The following PHLDB2 variants were observed in gnomAD, a reference collection of about 807,000 sequenced individuals.
The protein encoded by PHLDB2 is pleckstrin homology-like domain family B member 2.
Under a neutral mutation model 123.6 loss-of-function variants are expected in PHLDB2, and 71 were observed. The ratio of observed to expected loss-of-function variants is 0.57; its 90% CI spans 0.47 to 0.70. The LOEUF is 0.70. Ranked by LOEUF, PHLDB2 falls within the 30% of genes least tolerant of loss-of-function variation. The pLI is 0.00. For synonymous variants in PHLDB2, 547 were observed against 541.6 expected (o/e 1.01, Z -0.14); for missense variants, 1,446 against 1,519.5 (o/e 0.95, Z 0.80).
At chr3:111,752,219 A>AGTGTGTGTGTGTGTGTGTGTGT (rs57931243) in intron 1 of PHLDB2, among the ~76,000 whole-genome samples, 1 of 146,892 alleles carries the variant, frequency 6.8e-6, no homozygotes, top group Non-Finnish European at 1.5e-5. Context: ...GAAGTTTCTA[A>AGTGTGTGTGTGTGTGTGTGTGT]GTGTGTGTGT....
upstream of PHLDB2, among the ~76,000 whole-genome samples, chr3:111,855,424 T>C (rs534537622): frequency 4.6e-5 from 7 of 150,834 alleles, no homozygotes; most frequent in African/African-American, 1.2e-4. Flanking sequence ...TTCCTTCCTT[T>C]CTTTCTTTCT....
At chr3:111,881,112 CA>C (rs1334111876) in intron 1 of PHLDB2, among the ~76,000 whole-genome samples, 2 of 152,190 alleles carry the variant, frequency 1.3e-5, no homozygotes, top group African/African-American at 4.8e-5. Flanking sequence ...AGTTATCTCA[CA>C]AAAAGTATAA....
In PHLDB2 at chr3:111,887,997, A is replaced by G. The variant is rs1226160198; in HGVS notation, c.1335+2585A>G. ...TGGTGAATGTAAGAGTTAAGTGGCT[A>G]TGGTTATTTATGGTTAATTTAACAA... On this transcript the variant is annotated intron_variant, in intron 2 of 17. Coordinates refer to ENST00000431670, the MANE Select transcript of PHLDB2 (RefSeq NM_001134438.2). Among the ~76,000 whole-genome samples, 5 of 152,124 alleles carry G rather than the reference A, an allele frequency of 3.3e-5. No individual in the cohort carries two copies. In the East Asian group the frequency reaches 5.8e-4, roughly 18 times the overall value.
intron 4 of PHLDB2, 115 bp from the exon 5 acceptor site, chr3:111,920,167 G>C: frequency 8.4e-7 from 1 of 1,195,934 alleles, no homozygotes; most frequent in Non-Finnish European, 1.2e-6. Context: ...ACCCGATCTG[G>C]CTGCTACAGT....
rs747935116 is a variant in PHLDB2, at chr3:111,945,310, C to A, written c.2440C>A (p.Leu814Ile). 14 of 1,610,906 alleles carry A rather than the reference C, an allele frequency of 8.7e-6. No individual in the cohort carries two copies. The highest frequency in any genetic ancestry group is 1.1e-5 in the Non-Finnish European group (13 of 1,177,666). Residue 814 changes from leucine to isoleucine, a missense_variant, in exon 9 of 18, where the codon CTC (leucine) becomes ATC (isoleucine). Physicochemically the swap from Leu to Ile is conservative, Grantham distance 5. Transcript: ENST00000431670. Reference protein sequence around the residue: ...LCNLEKKYSSLSGGKGFPVNP... With the variant: ...LCNLEKKYSSISGGKGFPVNP... ...TAATTTGGAAAAGAAATACTCCAGC[C>A]TCTCTGGGGGGAAAGGGTTTCCCGT... is the stretch of plus-strand genomic sequence containing the variant.
intron 1 of PHLDB2, among the ~76,000 whole-genome samples, chr3:111,746,264 C>T (rs543949845): frequency 6.6e-6 from 1 of 152,272 alleles, no homozygotes; most frequent in South Asian, 2.1e-4. Context: ...TGAGAGAACA[C>T]AGAAAGTCTT....
Position 111,939,553 on chromosome 3 carries a change from G to C in PHLDB2, c.2209G>C (p.Asp737His). The C allele has an allele frequency of 6.2e-7, 1 of 1,614,034 alleles. No individual in the cohort carries two copies. Among genetic ancestry groups the C allele is most frequent in the Non-Finnish European group, 8.5e-7 (1 of 1,179,944 alleles). ...GCAGCTTGAACATGAGAGCCGTCTA[G>C]ATGAAGAAAAGGAGAACTTGACTCA... is the stretch of plus-strand genomic sequence containing the variant. Reference protein sequence around the residue: ...FQQLEHESRLDEEKENLTQQL... With the variant: ...FQQLEHESRLHEEKENLTQQL... The change falls in exon 7 of 18, where the codon GAT becomes CAT. Residue 737 changes from aspartate (D) to histidine (H), a missense_variant. Coordinates refer to ENST00000431670, the MANE Select transcript of PHLDB2 (RefSeq NM_001134438.2).
intron 1 of PHLDB2, among the ~76,000 whole-genome samples, chr3:111,873,085 A>G (rs1160336703): frequency 6.6e-6 from 1 of 152,206 alleles, no homozygotes; most frequent in Non-Finnish European, 1.5e-5. Context: ...TTTCCTCTAC[A>G]GATATGCATG....
At chr3:111,793,073 T>A (rs538453692) in intron 1 of PHLDB2, among the ~76,000 whole-genome samples, 1 of 152,230 alleles carries the variant, frequency 6.6e-6, no homozygotes, top group East Asian at 1.9e-4. Context: ...GGCTCTACAG[T>A]CAGCAGGTGC....
intron 1 of PHLDB2, among the ~76,000 whole-genome samples, chr3:111,780,427 C>T (rs529926596): frequency 7.2e-6 from 1 of 139,606 alleles, no homozygotes; most frequent in South Asian, 2.3e-4. Flanking sequence ...TTAGTTCGGC[C>T]CAACTTTCTG....
At chr3:111,895,392 A>G (rs2066775491) in intron 2 of PHLDB2, among the ~76,000 whole-genome samples, 1 of 152,262 alleles carries the variant, frequency 6.6e-6, no homozygotes. Flanking sequence ...GAGGCCCTGT[A>G]TGCCCCTGTG....
chr3:111,790,998 C>T (rs956566396), intron 1 of PHLDB2, among the ~76,000 whole-genome samples: 1 of 151,950 alleles, frequency 6.6e-6, no homozygotes, highest in African/African-American at 2.4e-5. Context: ...CACTGTGAAC[C>T]TTTTCCATAA....
At chr3:111,818,165 G>GGTGTGT (rs5851789) in intron 1 of PHLDB2, among the ~76,000 whole-genome samples, 51,843 of 147,490 alleles carry the variant, frequency 0.35, 9,565 homozygotes, top group Middle Eastern at 0.46. Flanking sequence ...TTAAAAAACT[G>GGTGTGT]GTGTGTGTGT....
intron 15 of PHLDB2, 48 bp from the exon 16 acceptor site, chr3:111,969,638 AAAAC>A: frequency 6.7e-7 from 1 of 1,487,096 alleles, no homozygotes; most frequent in Non-Finnish European, 9.3e-7. Flanking sequence ...TCTGTGACCT[AAAAC>A]AAAACAAATA....
chr3:111,930,691 G>T (rs113677191), intron 5 of PHLDB2, among the ~76,000 whole-genome samples: 1,793 of 152,172 alleles, frequency 0.012, 44 homozygotes, highest in African/African-American at 0.041. Flanking sequence ...AGCACACGTG[G>T]GCATCCTTTG....
chr3:111,967,037 G>A (rs1222220706), intron 14 of PHLDB2, among the ~76,000 whole-genome samples: 1 of 151,930 alleles, frequency 6.6e-6, no homozygotes, highest in South Asian at 2.1e-4. Context: ...CAAGGAGCAG[G>A]GAGGAATGTC....
Position 111,754,366 on chromosome 3 carries a change from A to G in PHLDB2, c.-49+21663A>G, listed in dbSNP as rs979309034. ...AGCTCTCCTTGAAGAGGTCCTTCAC[A>G]TCCCTTGTAAGTTGGATTCCTAGGT... On this transcript the variant is annotated intron_variant, in intron 1 of 17. Transcript: ENST00000393923. 3.5e-5 allele frequency among the ~76,000 whole-genome samples: 5 copies of G among 142,784 alleles called. No individual in the cohort carries two copies. The Admixed American group carries it at 3.5e-4, about 10-fold the overall frequency. The allele number at this position is 142,784 out of a possible 152,430, so 93.7% of individuals were successfully genotyped here.
intron 2 of PHLDB2, among the ~76,000 whole-genome samples, chr3:111,899,933 T>G (rs2067093844): frequency 6.6e-6 from 1 of 152,222 alleles, no homozygotes; most frequent in South Asian, 2.1e-4. Context: ...GTAACCACCT[T>G]CATCAATTAT....
intron 10 of PHLDB2, among the ~76,000 whole-genome samples, chr3:111,950,809 C>T (rs2070667971): frequency 6.6e-6 from 1 of 152,126 alleles, no homozygotes; most frequent in African/African-American, 2.4e-5. Flanking sequence ...AAGGTTACTG[C>T]CACCTGGGCT....
Sources: gnomAD v4.1 joint callset for allele counts (sites outside exome capture counted in the v4.1 genomes callset) on GRCh38, gnomAD v4.1.1 for gene constraint, MANE v1.5 for transcripts, NCBI Gene and HGNC (gene_info 2026-07-23, HGNC 2026-07-21) for gene names.